The following NEK9 variants were observed in gnomAD, a reference collection of about 807,000 sequenced individuals.
The protein encoded by NEK9 is NIMA related kinase 9, also known as serine/threonine-protein kinase Nek9.
In NEK9, 75 loss-of-function variants were observed where a neutral mutation model predicts 123.4. The ratio of observed to expected loss-of-function variants is 0.61; its 90% CI spans 0.50 to 0.74. The LOEUF is 0.74. Among genes scored for constraint, NEK9 ranks in the 30% least tolerant of loss-of-function variants. The probability of loss-of-function intolerance (pLI) is 0.00; values close to 1 mark genes in which losing one functional copy is unlikely to be tolerated. For synonymous variants in NEK9, 438 were observed against 458.7 expected (o/e 0.95, Z 0.58); for missense variants, 952 against 1,214.4 (o/e 0.78, Z 3.21).
chr14:75,087,152 G>C lies in NEK9; in HGVS notation c.2683C>G (p.Leu895Val), dbSNP rs760262535. Residue 895 changes from leucine to valine, a missense_variant, in exon 21 of 22, where the codon CTG becomes GTG. Coordinates refer to ENST00000238616, the MANE Select transcript of NEK9 (RefSeq NM_033116.6). ...TGCAATCTCTCAACCTCCACCTGCA[G>C]AGAGCTGCACGCACACGCAGGAGGA... ...LTPPACACSS[L>V]QVEVERLQGL... 2 of 1,614,166 alleles carry C rather than the reference G, an allele frequency of 1.2e-6. No individual in the cohort carries two copies. The highest frequency in any genetic ancestry group is 1.7e-6 in the Non-Finnish European group (2 of 1,180,040).
At position 75,121,157 on chromosome 14, in the gene NEK9, T is replaced by C; in HGVS notation, c.415A>G (p.Lys139Glu). 6.2e-7 allele frequency: 1 copy of C among 1,613,598 alleles called. No homozygotes were observed. Among genetic ancestry groups the C allele is most frequent in the Non-Finnish European group, 8.5e-7 (1 of 1,179,492 alleles). The change falls in exon 3 of 22, where the codon AAA (lysine) becomes GAA (glutamate). Residue 139 changes from lysine (K) to glutamate (E), a missense_variant. Around this residue, in one of 4 missense-constraint regions of NEK9, gnomAD observed 106 missense variants for 153.0 expected, o/e 0.69. Coordinates refer to ENST00000238616, the MANE Select transcript of NEK9 (RefSeq NM_033116.6). ...EYCNGGNLYD[K>E]ILRQKDKLFE... ...AACTTGTCCTTCTGACGAAGGATTTTGTCATACAGGTTCCCTCCTGCAATT... is the reference window on the plus strand; with the variant it reads ...AACTTGTCCTTCTGACGAAGGATTTCGTCATACAGGTTCCCTCCTGCAATT...
chr14:75,082,848 C>G lies in NEK9; in HGVS notation c.*1716G>C, dbSNP rs1000631669. On this transcript the variant is annotated 3_prime_UTR_variant, in exon 22 of 22. Transcript: ENST00000238616. ...AACCCACTGTTACAGTTTATGACAA[C>G]CCCCGCAAGTCCCCAGAACTTGCAA... 4.0e-5 allele frequency: 16 copies of G among 397,394 alleles called. No individual in the cohort carries two copies. In the Admixed American group the frequency reaches 5.7e-4, roughly 14 times the overall value. The allele number at this position is 397,394 out of a possible 1,614,324, so 24.6% of individuals were successfully genotyped here. A position where few individuals can be genotyped will look rare whatever the true frequency, so the allele number is the denominator to read the frequency against.
intron 3 of NEK9, 90 bp downstream of exon 3, chr14:75,121,029 C>T (rs757127669): frequency 1.9e-6 from 2 of 1,073,864 alleles, no homozygotes; most frequent in African/African-American, 1.6e-5. Flanking sequence ...GAAAAAAACA[C>T]TCTTCACTAT....
At chr14:75,126,215 T>TA (rs1220867322) in intron 1 of NEK9, among the ~76,000 whole-genome samples, 1 of 152,058 alleles carries the variant, frequency 6.6e-6, no homozygotes, top group Non-Finnish European at 1.5e-5. Flanking sequence ...CTGCTGAACT[T>TA]AAAGATAATG....
Position 75,124,179 on chromosome 14 carries a change from C to G in NEK9, c.264G>C (p.Leu88=), listed in dbSNP as rs562180803. 1,956 of 1,614,082 alleles carry G rather than the reference C, an allele frequency of 1.2e-3. 26 individuals are homozygous for G. The South Asian group carries it at 0.02, about 17-fold the overall frequency. ...VVWKEVDLTR[L]SEKERRDALN... The stretch of plus-strand genomic sequence containing the variant: ...AGGCATCACGACGTTCCTTCTCAGA[C>G]AGCCGGGTCAAATCGACTTCCTTCC... Residue 88 remains leucine (L), a synonymous_variant, in exon 2 of 22, where the codon CTG becomes CTC. Coordinates refer to ENST00000238616, the MANE Select transcript of NEK9 (RefSeq NM_033116.6).
At chr14:75,105,869 C>A (rs918454690) in intron 13 of NEK9, 81 bp downstream of exon 13, 28 of 1,112,174 alleles carry the variant, frequency 2.5e-5, no homozygotes, top group African/African-American at 4.7e-5. Context: ...CTTGATACAA[C>A]AGAGCCAAGG....
At chr14:75,119,286 C>T (rs1358484225) in intron 4 of NEK9, among the ~76,000 whole-genome samples, 4 of 151,722 alleles carry the variant, frequency 2.6e-5, no homozygotes, top group Admixed American at 2.6e-4. Context: ...ACATTCCAGC[C>T]TGGGCAACAG....
At chr14:75,087,280 C>T (rs1894060480) in intron 20 of NEK9, 50 bp from the exon 21 acceptor site, 1 of 1,431,330 alleles carries the variant, frequency 7.0e-7, no homozygotes, top group Non-Finnish European at 9.7e-7. Context: ...GGTGTCATAG[C>T]TCCTCAATCC....
intron 5 of NEK9, 59 bp downstream of exon 5, chr14:75,118,771 C>T (rs2139800352): frequency 1.1e-6 from 1 of 947,444 alleles, no homozygotes; most frequent in South Asian, 1.4e-5. Flanking sequence ...TTAGGGAGTA[C>T]AGTTATATTT....
At chr14:75,089,801 C>T (rs1181839953) in intron 19 of NEK9, among the ~76,000 whole-genome samples, 5 of 152,004 alleles carry the variant, frequency 3.3e-5, no homozygotes, top group South Asian at 2.1e-4. Context: ...TGGGTTCAAG[C>T]GATTCTCCTG....
intron 5 of NEK9, among the ~76,000 whole-genome samples, chr14:75,118,035 A>G (rs1895198113): frequency 6.6e-6 from 1 of 152,216 alleles, no homozygotes; most frequent in Non-Finnish European, 1.5e-5. Context: ...AGCTAAAAAA[A>G]GTCAAGTCTT....
intron 1 of NEK9, 62 bp downstream of exon 1, chr14:75,126,638 GAGA>G (rs1480999589): frequency 1.8e-5 from 23 of 1,271,616 alleles, no homozygotes; most frequent in African/African-American, 6.4e-5. Flanking sequence ...AAGCGGGGCC[GAGA>G]AGGAGGGACT....
At chr14:75,118,976 ATTG>A in intron 4 of NEK9, 41 bp from the exon 5 acceptor site, 1 of 1,105,164 alleles carries the variant, frequency 9.0e-7, no homozygotes, top group South Asian at 1.2e-5. Context: ...CACACAGATA[ATTG>A]TTTTATTTCA....
rs1436882646 is a variant in NEK9 at position 75,081,380 on chromosome 14, C to T, written c.*3184G>A. On this transcript the variant is annotated 3_prime_UTR_variant, in exon 22 of 22. Transcript: ENST00000238616. The surrounding 1 kb of genome is among the most constrained non-coding windows in gnomAD (Gnocchi z 4.2). Reference sequence around the variant, plus strand: ...AGATGTGACATAGTGGAGTTTTTCTCCCTAATGTTCATCATTCTGTGAGGT... The same window carrying T: ...AGATGTGACATAGTGGAGTTTTTCTTCCTAATGTTCATCATTCTGTGAGGT... The T allele has an allele frequency of 6.6e-6, 1 of 152,222 alleles. No individual in the cohort carries two copies. Among genetic ancestry groups the T allele is most frequent in the Non-Finnish European group, 1.5e-5 (1 of 68,046 alleles). 9.4% of individuals were successfully genotyped at this position (152,222 alleles called of 1,614,324 possible).
At chr14:75,111,533 A>G (rs1012374624) in intron 8 of NEK9, among the ~76,000 whole-genome samples, 1 of 152,224 alleles carries the variant, frequency 6.6e-6, no homozygotes, top group Non-Finnish European at 1.5e-5. Context: ...AGGCAAATCT[A>G]TAATTATCTC....
chr14:75,123,931 G>C (rs1895425870), intron 2 of NEK9, 115 bp downstream of exon 2: 1 of 875,854 alleles, frequency 1.1e-6, no homozygotes, highest in Non-Finnish European at 1.7e-6. Context: ...TTAAACTCTA[G>C]AAATTCATTT....
In NEK9 at chr14:75,082,663, C is replaced by A. The variant is rs1011396817; in HGVS notation, c.*1901G>T. The A allele has an allele frequency of 1.9e-5, 5 of 259,018 alleles. No homozygotes were observed. Among genetic ancestry groups the A allele is most frequent in the Middle Eastern group, 1.1e-3 (1 of 904 alleles). 16.0% of individuals were successfully genotyped at this position (259,018 alleles called of 1,614,324 possible). ...TTCACCCCACCTTCTCAGCAACCTG[C>A]CCATGTCCATCAGCTCCATGGCAGA... On this transcript the variant is annotated 3_prime_UTR_variant, in exon 22 of 22. Transcript: ENST00000238616.
chr14:75,103,932 C>T lies in NEK9; in HGVS notation c.1641G>A (p.Leu547=). 6.2e-7 allele frequency: 1 copy of T among 1,614,020 alleles called. No homozygotes were observed. Among genetic ancestry groups the T allele is most frequent in the Non-Finnish European group, 8.5e-7 (1 of 1,180,006 alleles). The change falls in exon 14 of 22, where the codon TTG becomes TTA. Residue 547 remains leucine (L), a synonymous_variant. Transcript: ENST00000238616. The part of the protein sequence containing the change: ...VQCGCDGTFL[L]TQSGKVLACG... ...AGGCCAGCACTTTGCCTGACTGGGT[C>T]AACAGAAATGTCCCATCACAGCCAC...
At chr14:75,126,670 CCAGA>C (rs1202949657) in intron 1 of NEK9, 29 bp downstream of exon 1, 11 of 1,383,090 alleles carry the variant, frequency 8.0e-6, no homozygotes, top group Non-Finnish European at 2.8e-6. Flanking sequence ...CCCGACAGCG[CCAGA>C]CAGGGCGGCC....
Sources: gnomAD v4.1 joint callset for allele counts (sites outside exome capture counted in the v4.1 genomes callset) on GRCh38, gnomAD v4.1.1 for gene constraint, gnomAD v4.1.1 regional missense constraint, Gnocchi (gnomAD v3.1) non-coding constraint, MANE v1.5 for transcripts, NCBI Gene and HGNC (gene_info 2026-07-23, HGNC 2026-07-21) for gene names.